ORC5: variants seen among roughly 807,000 people sequenced by gnomAD.
ORC5 encodes the protein protein phosphatase 1, regulatory subunit 117.
A neutral mutation model predicts 58.8 loss-of-function variants in ORC5; 39 were observed. The observed-to-expected ratio is 0.66, with a 90% confidence interval of 0.51 to 0.87. The LOEUF is 0.87. ORC5 is among the 40% of genes least tolerant of loss of function. ORC5 has a pLI of 0.00. For missense variants in ORC5, 493 were observed against 506.3 expected, an observed-to-expected ratio of 0.97 and a Z score of 0.25; for synonymous variants, 218 against 177.6, an observed-to-expected ratio of 1.23 and a Z score of -1.81.
chr7:104,196,092 T>C (rs1459433666), intron 4 of ORC5, among the ~76,000 whole-genome samples: 2 of 152,240 alleles, frequency 1.3e-5, no homozygotes, highest in Non-Finnish European at 2.9e-5. Context: ...TCAGCTGAGA[T>C]TACTCTAAAT....
intron 12 of ORC5, among the ~76,000 whole-genome samples, chr7:104,144,929 A>T (rs1798732230): frequency 6.6e-6 from 1 of 152,210 alleles, no homozygotes; most frequent in Non-Finnish European, 1.5e-5. Context: ...GAGTACTCAG[A>T]TTCATCGTGG....
intron 8 of ORC5, among the ~76,000 whole-genome samples, chr7:104,177,216 C>T (rs1261701327): frequency 6.6e-6 from 1 of 152,108 alleles, no homozygotes; most frequent in African/African-American, 2.4e-5. Flanking sequence ...TAAACATTTA[C>T]AAATAGTTGA....
At chr7:104,181,240 ATAGTT>A (rs1799425060) in intron 8 of ORC5, among the ~76,000 whole-genome samples, 3 of 152,242 alleles carry the variant, frequency 2.0e-5, no homozygotes, top group South Asian at 4.1e-4. Flanking sequence ...TAATCTACCT[ATAGTT>A]TATAGTTTTA....
chr7:104,205,086 C>CTTTTTTTT (rs10672012), intron 1 of ORC5, among the ~76,000 whole-genome samples: 7,701 of 98,844 alleles, frequency 0.078, 634 homozygotes, highest in South Asian at 0.11. Context: ...TAATAATACT[C>CTTTTTTTT]TTTTTTTTTT....
chr7:104,126,571 A>G lies in ORC5; in HGVS notation c.*277T>C, dbSNP rs1285266102. 5 of 335,392 alleles carry G rather than the reference A, an allele frequency of 1.5e-5. No homozygotes were observed. Among genetic ancestry groups the G allele is most frequent in the Non-Finnish European group, 2.7e-5 (5 of 186,146 alleles). 20.8% of individuals were successfully genotyped at this position (335,392 alleles called of 1,614,324 possible). A position where few individuals can be genotyped will look rare whatever the true frequency, so the allele number is the denominator to read the frequency against. On this transcript the variant is annotated 3_prime_UTR_variant, in exon 14 of 14. Transcript: ENST00000297431. ...GGTTTCAGGCAATTTCAGTGTTAAG[A>G]TAACATCATTAAGAGTAGAACAGAT...
intron 8 of ORC5, among the ~76,000 whole-genome samples, chr7:104,177,931 T>C (rs1442763386): frequency 2.0e-5 from 3 of 152,244 alleles, no homozygotes; most frequent in Admixed American, 2.0e-4. Flanking sequence ...TAGTATTCCA[T>C]GGTGTTTATG....
At chr7:104,160,553 C>T (rs1339565120) in intron 12 of ORC5, among the ~76,000 whole-genome samples, 1 of 151,854 alleles carries the variant, frequency 6.6e-6, no homozygotes, top group Non-Finnish European at 1.5e-5. Flanking sequence ...ACCTTAACTA[C>T]TTGTTTTTTT....
intron 8 of ORC5, among the ~76,000 whole-genome samples, chr7:104,180,965 T>A (rs1489448998): frequency 6.6e-6 from 1 of 152,204 alleles, no homozygotes; most frequent in African/African-American, 2.4e-5. Flanking sequence ...CTAAAAGCAT[T>A]TGCAATCAGA....
intron 1 of ORC5, among the ~76,000 whole-genome samples, chr7:104,204,470 T>C (rs758789431): frequency 6.6e-6 from 1 of 152,204 alleles, no homozygotes; most frequent in Non-Finnish European, 1.5e-5. Flanking sequence ...TTATGTACTA[T>C]ATATTTATAT....
chr7:104,145,942 C>A (rs1043231709), intron 12 of ORC5, among the ~76,000 whole-genome samples: 8 of 152,108 alleles, frequency 5.3e-5, no homozygotes, highest in Non-Finnish European at 8.8e-5. Context: ...GCAAAACTAT[C>A]CTTCATGAAT....
At chr7:104,189,189 G>A (rs1302565605) in intron 5 of ORC5, among the ~76,000 whole-genome samples, 2 of 152,016 alleles carry the variant, frequency 1.3e-5, no homozygotes, top group Admixed American at 1.3e-4. Flanking sequence ...AAATACCCAT[G>A]ACTGGGTAAT....
chr7:104,202,492 T>G (rs1799968829), intron 2 of ORC5: 1 of 456,034 alleles, frequency 2.2e-6, no homozygotes, highest in Non-Finnish European at 4.4e-6. Context: ...TTACGGCATT[T>G]GTACCATCCA....
Position 104,136,261 on chromosome 7 carries a change from G to A in ORC5, c.1262+520C>T, listed in dbSNP as rs907677323. Among the ~76,000 whole-genome samples the A allele has an allele frequency of 2.6e-5, 4 of 151,430 alleles. No homozygotes were observed. Among genetic ancestry groups the A allele is most frequent in the South Asian group, 2.1e-4 (1 of 4,782 alleles). ...AATTCCTCATTCTACCACTCTCCTC[G>A]TGCCCCTTCAGTATGTATCCATTTG... On this transcript the variant is annotated intron_variant, in intron 13 of 13. Transcript: ENST00000297431. The surrounding 1 kb of genome is among the most constrained non-coding windows in gnomAD (Gnocchi z 4.2).
chr7:104,199,187 C>A (rs372119800), intron 3 of ORC5, among the ~76,000 whole-genome samples: 8,652 of 151,516 alleles, frequency 0.057, 816 homozygotes, highest in African/African-American at 0.2. Flanking sequence ...CCACTGGGCA[C>A]TGCCTAGTGG....
intron 8 of ORC5, among the ~76,000 whole-genome samples, chr7:104,177,823 T>C (rs1448558998): frequency 2.6e-5 from 4 of 152,176 alleles, no homozygotes; most frequent in African/African-American, 9.7e-5. Flanking sequence ...CATGCAGTGT[T>C]TGGTTTTCTG....
chr7:104,150,731 G>C (rs1288936735), intron 12 of ORC5, among the ~76,000 whole-genome samples: 1 of 152,120 alleles, frequency 6.6e-6, no homozygotes, highest in African/African-American at 2.4e-5. Flanking sequence ...AGGAGAATGG[G>C]AGATCATTCA....
At chr7:104,189,926 G>C (rs1185701659) in intron 5 of ORC5, among the ~76,000 whole-genome samples, 4 of 152,140 alleles carry the variant, frequency 2.6e-5, no homozygotes, top group African/African-American at 9.7e-5. Flanking sequence ...AATGGTGTCT[G>C]AAATGCTAAT....
intron 8 of ORC5, among the ~76,000 whole-genome samples, chr7:104,181,622 A>G (rs1308565738): frequency 4.0e-5 from 6 of 151,822 alleles, no homozygotes; most frequent in African/African-American, 1.5e-4. Flanking sequence ...TGTCTCTACT[A>G]AAAATACGAA....
chr7:104,132,187 G>A (rs1798524284), intron 13 of ORC5, among the ~76,000 whole-genome samples: 1 of 152,060 alleles, frequency 6.6e-6, no homozygotes. Flanking sequence ...AGAGGATTCT[G>A]CTTGATTTCT....
Sources: allele counts gnomAD v4.1 joint callset (sites outside exome capture counted in the v4.1 genomes callset), GRCh38; gene constraint gnomAD v4.1.1; non-coding constraint Gnocchi (gnomAD v3.1); transcripts MANE v1.5; gene names NCBI Gene and HGNC (gene_info 2026-07-23, HGNC 2026-07-21).